Variants in SLC38A4 observed in about 807,000 individuals in gnomAD.
SLC38A4 encodes the protein sodium-coupled neutral amino acid transporter 4.
In SLC38A4, 20 loss-of-function variants were observed where a neutral mutation model predicts 63.1. The ratio of observed to expected loss-of-function variants is 0.32; its 90% confidence interval spans 0.22 to 0.46. The LOEUF (loss-of-function observed/expected upper bound fraction) is 0.46. SLC38A4 is among the 20% of genes least tolerant of loss of function. The pLI is 1.00. For synonymous variants in SLC38A4, 230 were observed against 225.5 expected, an observed-to-expected ratio of 1.02 and a Z score of -0.18; for missense variants, 526 against 663.6, an observed-to-expected ratio of 0.79 and a Z score of 2.28.
intron 1 of SLC38A4, among the ~76,000 whole-genome samples, chr12:46,822,828 A>G (rs777387302): frequency 8.5e-5 from 13 of 152,202 alleles, no homozygotes; most frequent in Non-Finnish European, 1.3e-4. Flanking sequence ...CAGATTAAGA[A>G]GTTTAAACTT....
intron 5 of SLC38A4, among the ~76,000 whole-genome samples, chr12:46,787,297 A>G (rs750941296): frequency 3.9e-5 from 6 of 152,184 alleles, no homozygotes; most frequent in Non-Finnish European, 7.3e-5. Context: ...TATTAACCAA[A>G]TGAATCAGAC....
intron 7 of SLC38A4, 26 bp downstream of exon 7, chr12:46,784,516 A>C (rs1938718061): frequency 6.4e-7 from 1 of 1,565,110 alleles, no homozygotes; most frequent in Non-Finnish European, 8.7e-7. Context: ...AGTTTATGGG[A>C]TCCATTGAAA....
At chr12:46,821,873 T>C (rs1322108049) in intron 1 of SLC38A4, among the ~76,000 whole-genome samples, 1 of 152,142 alleles carries the variant, frequency 6.6e-6, no homozygotes, top group Non-Finnish European at 1.5e-5. Context: ...TTCATTTACC[T>C]TTTATAGTTT....
intron 1 of SLC38A4, among the ~76,000 whole-genome samples, chr12:46,825,490 C>G (rs1167962973): frequency 6.6e-6 from 1 of 152,148 alleles, no homozygotes; most frequent in Non-Finnish European, 1.5e-5. Flanking sequence ...TGACTGCATT[C>G]TCAGGACTGC....
rs1939644364 is a variant in SLC38A4 at position 46,825,963 on chromosome 12, C to A, written c.-365G>T. 6.6e-6 allele frequency: 1 copy of A among 152,374 alleles called. No individual in the cohort carries two copies. Among genetic ancestry groups the A allele is most frequent in the African/African-American group, 2.4e-5 (1 of 41,448 alleles). The allele number at this position is 152,374 out of a possible 1,614,324, so 9.4% of individuals were successfully genotyped here. A position where few individuals can be genotyped will look rare whatever the true frequency, so the allele number is the denominator to read the frequency against. ...CGCGATCCTCCGTGCACGCCACCAC[C>A]CGGCTCATGCTCCAGGCGCTGCGCA... On this transcript the variant is annotated 5_prime_UTR_variant, in exon 1 of 17. Transcript: ENST00000266579.
upstream of SLC38A4, among the ~76,000 whole-genome samples, chr12:46,830,076 A>T (rs1592202340): frequency 2.1e-5 from 1 of 47,674 alleles, no homozygotes; most frequent in Middle Eastern, 0.011. Context: ...GCAGCCTCCA[A>T]AAAAAGTTAT....
Position 46,831,278 on chromosome 12 carries a change from TC to T in SLC38A4, c.-108+1048del, listed in dbSNP as rs370722117. 3.2e-4 allele frequency among the ~76,000 whole-genome samples: 49 copies of T among 152,298 alleles called. 1 individual carries two copies. The East Asian group carries it at 6.8e-3, about 21-fold the overall frequency. On this transcript the variant is annotated intron_variant, in intron 1 of 6. Coordinates refer to the SLC38A4 transcript ENST00000546940. ...CCACCTCTCCTGGACTCAAGGGTGC[TC>T]CCGGCTTACGCTTCTCGGGGCTTCC... is the stretch of plus-strand genomic sequence containing the variant.
At chr12:46,806,862 T>C (rs1250156035) in intron 1 of SLC38A4, among the ~76,000 whole-genome samples, 1 of 151,982 alleles carries the variant, frequency 6.6e-6, no homozygotes, top group Admixed American at 6.6e-5. Flanking sequence ...GTGATTCAGA[T>C]TATACCTGTA....
chr12:46,810,354 A>G (rs1399613157), intron 1 of SLC38A4, among the ~76,000 whole-genome samples: 2 of 151,854 alleles, frequency 1.3e-5, no homozygotes, highest in East Asian at 3.9e-4. Context: ...AGACATGGGC[A>G]TAGGGAGGGG....
intron 15 of SLC38A4, 114 bp downstream of exon 15, chr12:46,769,170 A>G: frequency 8.5e-7 from 1 of 1,174,904 alleles, no homozygotes; most frequent in Non-Finnish European, 1.2e-6. Context: ...GATAAAGGGA[A>G]TCCATGAGCC....
chr12:46,779,768 A>G lies in SLC38A4; in HGVS notation c.658+12T>C. ...AAAAATAAAAATATTTCCAGTTAGA[A>G]AATATCTTTACCTAAATTTTTAAGG... On this transcript the variant is annotated intron_variant, in intron 9 of 16. Coordinates refer to ENST00000266579, the MANE Select transcript of SLC38A4 (RefSeq NM_018018.5). The G allele has an allele frequency of 6.3e-7, 1 of 1,598,484 alleles. No homozygotes were observed. The highest frequency in any genetic ancestry group is 1.1e-5 in the South Asian group (1 of 88,176).
At chr12:46,808,022 C>T (rs578179291) in intron 1 of SLC38A4, among the ~76,000 whole-genome samples, 1 of 151,756 alleles carries the variant, frequency 6.6e-6, no homozygotes, top group African/African-American at 2.4e-5. Flanking sequence ...TTTAAGACAC[C>T]AAATATACAT....
chr12:46,787,889 C>T, intron 5 of SLC38A4, 27 bp downstream of exon 5: 2 of 1,522,758 alleles, frequency 1.3e-6, no homozygotes, highest in Non-Finnish European at 1.8e-6. Context: ...ACTTCATCAC[C>T]AAATGTAGAC....
At position 46,775,081 on chromosome 12, in the gene SLC38A4, C is replaced by T. The variant is rs371627039; in HGVS notation, c.1267G>A (p.Val423Ile). 5.0e-6 allele frequency: 8 copies of T among 1,612,730 alleles called. No individual in the cohort carries two copies. The highest frequency in any genetic ancestry group is 6.8e-6 in the Non-Finnish European group (8 of 1,179,150). ...LMVRLAVLVAVTLTVPIVLFP... is the reference protein window; with the variant it reads ...LMVRLAVLVAITLTVPIVLFP... ...AGGACAATGGGCACAGTTAGTGTTA[C>T]TGCCACAAGGACTGCCAGGCGAACC... The change falls in exon 14 of 17, where the codon GTA becomes ATA. Residue 423 changes from valine to isoleucine, a missense_variant. Val to Ile is a conservative substitution (Grantham distance 29, BLOSUM62 3). Transcript: ENST00000266579.
intron 1 of SLC38A4, among the ~76,000 whole-genome samples, chr12:46,825,313 T>TTATATATA (rs34878223): frequency 0.011 from 1,565 of 140,362 alleles, 18 homozygotes; most frequent in East Asian, 0.026. Context: ...TATACAAAGT[T>TTATATATA]TATATATATA....
chr12:46,784,890 T>C (rs550777048), intron 6 of SLC38A4, among the ~76,000 whole-genome samples: 1 of 152,230 alleles, frequency 6.6e-6, no homozygotes, highest in Admixed American at 6.6e-5. Flanking sequence ...AGAAATTTCT[T>C]TTTTCTATTT....
intron 7 of SLC38A4, among the ~76,000 whole-genome samples, chr12:46,781,362 C>G (rs1464150708): frequency 6.6e-6 from 1 of 152,012 alleles, no homozygotes; most frequent in African/African-American, 2.4e-5. Context: ...AAAGCTAAAT[C>G]TTACAGAGTG....
chr12:46,765,418 A>G lies in SLC38A4; in HGVS notation c.*1283T>C. 5.8e-6 allele frequency: 2 copies of G among 344,062 alleles called. No individual in the cohort carries two copies. The highest frequency in any genetic ancestry group is 1.1e-5 in the Non-Finnish European group (2 of 180,622). The allele number at this position is 344,062 out of a possible 1,614,324, so 21.3% of individuals were successfully genotyped here. ...TGTGAGCTAAACTGAACTAAATCCT[A>G]TTTTAGATATGCTAAATTAAAAGAA... On this transcript the variant is annotated 3_prime_UTR_variant, in exon 17 of 17. Transcript: ENST00000266579.
chr12:46,804,995 A>G (rs1344134592), intron 1 of SLC38A4, among the ~76,000 whole-genome samples: 2 of 152,060 alleles, frequency 1.3e-5, no homozygotes, highest in Non-Finnish European at 2.9e-5. Flanking sequence ...CAAAAATTGC[A>G]ATAATTGTTA....
Sources: allele counts gnomAD v4.1 joint callset (sites outside exome capture counted in the v4.1 genomes callset), GRCh38; gene constraint gnomAD v4.1.1; transcripts MANE v1.5; gene names NCBI Gene and HGNC (gene_info 2026-07-23, HGNC 2026-07-21).